ETS1: variants seen among roughly 807,000 people sequenced by gnomAD.
The protein encoded by ETS1 is protein C-ets-1.
A neutral mutation model predicts 58.6 loss-of-function variants in ETS1; 15 were observed. The observed-to-expected ratio is 0.26, with a 90% CI of 0.17 to 0.39. The LOEUF is 0.39. Ranked by LOEUF, ETS1 falls within the 10% of genes least tolerant of loss-of-function variation. ETS1 has a pLI of 1.00. For missense variants in ETS1, 417 were observed against 610.5 expected, an observed-to-expected ratio of 0.68 and a Z score of 3.34; for synonymous variants, 214 against 218.2, an observed-to-expected ratio of 0.98 and a Z score of 0.17.
intron 8 of ETS1, among the ~76,000 whole-genome samples, chr11:128,467,123 C>T (rs1203429362): frequency 6.6e-6 from 1 of 152,204 alleles, no homozygotes; most frequent in Non-Finnish European, 1.5e-5. Flanking sequence ...CTAGGAAAGA[C>T]ATGGAAATGT....
chr11:128,513,515 A>G (rs1182572114), intron 3 of ETS1, among the ~76,000 whole-genome samples: 2 of 152,200 alleles, frequency 1.3e-5, no homozygotes, highest in Non-Finnish European at 2.9e-5. Flanking sequence ...ATTTATTCCT[A>G]CTGGTAAGGA....
intron 3 of ETS1, among the ~76,000 whole-genome samples, chr11:128,502,834 G>A (rs1863125747): frequency 6.6e-6 from 1 of 152,220 alleles, no homozygotes; most frequent in East Asian, 1.9e-4. Flanking sequence ...CCTGGGCTGG[G>A]GAGGAAGGAA....
intron 3 of ETS1, among the ~76,000 whole-genome samples, chr11:128,538,916 T>C (rs574319456): frequency 3.3e-5 from 5 of 152,326 alleles, no homozygotes; most frequent in East Asian, 1.9e-4. Flanking sequence ...AGGTGACATA[T>C]GTATTTAAAA....
At chr11:128,548,790 CT>C (rs1864179322) in intron 3 of ETS1, among the ~76,000 whole-genome samples, 1 of 152,198 alleles carries the variant, frequency 6.6e-6, no homozygotes, top group African/African-American at 2.4e-5. Context: ...GCCCGCGTTG[CT>C]GGCAGCGCCG....
intron 5 of ETS1, among the ~76,000 whole-genome samples, chr11:128,486,947 A>G (rs541478298): frequency 6.6e-6 from 1 of 152,346 alleles, no homozygotes; most frequent in African/African-American, 2.4e-5. Flanking sequence ...GACATAGAGT[A>G]TGGGTTTGGG....
Position 128,571,505 on chromosome 11 carries a change from A to C in ETS1, c.69+1557T>G, listed in dbSNP as rs1200599186. Among the ~76,000 whole-genome samples, 29 of 5,930 alleles carry C rather than the reference A, an allele frequency of 4.9e-3. 2 individuals are homozygous for C. The highest frequency in any genetic ancestry group is 0.033 in the African/African-American group (22 of 668). The allele number at this position is 5,930 out of a possible 152,430, so 3.9% of individuals were successfully genotyped here. On this transcript the variant is annotated intron_variant, in intron 2 of 9. Coordinates refer to ENST00000392668, the MANE Select transcript of ETS1 (RefSeq NM_001143820.2). Reference sequence around the variant, plus strand: ...GGCGACAGAGCAAGACTCCGTCAAAAAAAAAAAAAAAAAAAAAAAAAAAAA... The same window carrying C: ...GGCGACAGAGCAAGACTCCGTCAAACAAAAAAAAAAAAAAAAAAAAAAAAA...
intron 3 of ETS1, among the ~76,000 whole-genome samples, chr11:128,521,413 G>C (rs557875664): frequency 1.3e-5 from 2 of 152,288 alleles, no homozygotes; most frequent in East Asian, 3.9e-4. Context: ...GAGGGGCAAG[G>C]CATGTGACAG....
At chr11:128,573,581 G>A (rs889700981) in intron 1 of ETS1, among the ~76,000 whole-genome samples, 8 of 152,190 alleles carry the variant, frequency 5.3e-5, no homozygotes, top group Non-Finnish European at 1.2e-4. Flanking sequence ...TTGGAGAAAG[G>A]AAGGATGGAA....
At chr11:128,468,107 C>T (rs933121324) in intron 8 of ETS1, among the ~76,000 whole-genome samples, 5 of 152,218 alleles carry the variant, frequency 3.3e-5, no homozygotes, top group Admixed American at 1.3e-4. Context: ...CAGGTAGGAA[C>T]TTGGAGAGCT....
At chr11:128,525,181 C>G (rs763760280) in intron 3 of ETS1, among the ~76,000 whole-genome samples, 2 of 151,944 alleles carry the variant, frequency 1.3e-5, no homozygotes, top group Non-Finnish European at 2.9e-5. Context: ...AATTGCCTTA[C>G]ACTAGGAACG....
intron 3 of ETS1, among the ~76,000 whole-genome samples, chr11:128,540,371 G>A (rs1864038133): frequency 6.7e-6 from 1 of 149,702 alleles, no homozygotes; most frequent in Non-Finnish European, 1.5e-5. Flanking sequence ...AAATTAAATT[G>A]CAATGATAGC....
At chr11:128,569,069 C>T (rs2135574679) in intron 2 of ETS1, among the ~76,000 whole-genome samples, 1 of 152,334 alleles carries the variant, frequency 6.6e-6, no homozygotes, top group South Asian at 2.1e-4. Context: ...TCAACGTCAG[C>T]ACTATCAGAA....
chr11:128,485,414 T>C (rs546196778), intron 6 of ETS1, among the ~76,000 whole-genome samples: 1 of 152,332 alleles, frequency 6.6e-6, no homozygotes, highest in East Asian at 1.9e-4. Flanking sequence ...AATATCATTG[T>C]GTCACTGGAA....
intron 1 of ETS1, among the ~76,000 whole-genome samples, chr11:128,585,108 GAAGGAAGGAAAGAAAGAAGAAAGAAAGA>G: frequency 6.2e-5 from 1 of 16,210 alleles, no homozygotes. Context: ...AGAAAGGAAG[GAAGGAAGGAAAGAAAGAAGAAAGAAAGA>G]AAAGAAAGAA....
At chr11:128,548,486 T>C (rs1420467734) in intron 3 of ETS1, among the ~76,000 whole-genome samples, 1 of 152,222 alleles carries the variant, frequency 6.6e-6, no homozygotes, top group Non-Finnish European at 1.5e-5. Flanking sequence ...CAAACAGCCC[T>C]ACCCAGCTCT....
At chr11:128,522,359 T>G in intron 3 of ETS1, 1 of 996,504 alleles carries the variant, frequency 1.0e-6, no homozygotes, top group Non-Finnish European at 1.2e-6. Context: ...CCCTCCTCTT[T>G]AGGGCGTTTC....
intron 3 of ETS1, among the ~76,000 whole-genome samples, chr11:128,535,936 T>C (rs1863966692): frequency 6.6e-6 from 1 of 152,198 alleles, no homozygotes; most frequent in Non-Finnish European, 1.5e-5. Flanking sequence ...AACATTGTCA[T>C]TCATTTGGCA....
chr11:128,503,157 CTAAA>C, intron 3 of ETS1, among the ~76,000 whole-genome samples: 1 of 152,302 alleles, frequency 6.6e-6, no homozygotes, highest in Admixed American at 6.5e-5. Context: ...ATATACAAAT[CTAAA>C]TAAGATTTTT....
At chr11:128,503,109 C>T (rs1265204136) in intron 3 of ETS1, among the ~76,000 whole-genome samples, 1 of 152,224 alleles carries the variant, frequency 6.6e-6, no homozygotes, top group East Asian at 1.9e-4. Flanking sequence ...CTGTCACTAA[C>T]TTCCCACCTT....
Sources: gnomAD v4.1 joint callset for allele counts (sites outside exome capture counted in the v4.1 genomes callset) on GRCh38, gnomAD v4.1.1 for gene constraint, MANE v1.5 for transcripts, NCBI Gene and HGNC (gene_info 2026-07-23, HGNC 2026-07-21) for gene names.